Variants in NR5A2 observed in about 807,000 individuals in gnomAD.
NR5A2 encodes nuclear receptor subfamily 5 group A member 2.
Under a neutral mutation model 62.7 loss-of-function variants are expected in NR5A2, and 26 were observed. That is an observed-to-expected ratio of 0.41 (90% CI 0.30 to 0.58). The LOEUF (loss-of-function observed/expected upper bound fraction) is 0.58. NR5A2 is among the 20% of genes least tolerant of loss of function. The pLI is 0.22. For missense variants in NR5A2, 541 were observed against 669.1 expected (o/e 0.81, Z 2.11); for synonymous variants, 246 against 241.7 (o/e 1.02, Z -0.16).
intron 5 of NR5A2, among the ~76,000 whole-genome samples, chr1:200,060,049 C>T (rs1220162366): frequency 6.6e-6 from 1 of 152,152 alleles, no homozygotes; most frequent in Non-Finnish European, 1.5e-5. Flanking sequence ...AGTAGGCTAA[C>T]ATCAGGCAGC....
At chr1:200,041,976 C>G (rs1396460719) in intron 2 of NR5A2, among the ~76,000 whole-genome samples, 2 of 152,108 alleles carry the variant, frequency 1.3e-5, no homozygotes, top group African/African-American at 4.8e-5. Context: ...TCGCCTTGTT[C>G]CTAAAACATG....
chr1:200,127,342 C>CT (rs1374222330), intron 7 of NR5A2, among the ~76,000 whole-genome samples: 1 of 152,076 alleles, frequency 6.6e-6, no homozygotes, highest in Non-Finnish European at 1.5e-5. Flanking sequence ...AGTCAGCCCT[C>CT]TGTAGCTGCA....
chr1:200,175,778 G>A lies in NR5A2; in HGVS notation c.*1568G>A, dbSNP rs1467163722. On this transcript the variant is annotated 3_prime_UTR_variant, in exon 8 of 8. Transcript: ENST00000367362. Reference sequence around the variant, plus strand: ...GTCGTGAGACACTAAAATCAAAAACGGGAATCTCATTTAGACTTTAATTTT... The same window carrying A: ...GTCGTGAGACACTAAAATCAAAAACAGGAATCTCATTTAGACTTTAATTTT... 5 of 152,460 alleles carry A rather than the reference G, an allele frequency of 3.3e-5. No individual in the cohort carries two copies. Among genetic ancestry groups the A allele is most frequent in the African/African-American group, 7.2e-5 (3 of 41,426 alleles). 9.4% of individuals were successfully genotyped at this position (152,460 alleles called of 1,614,324 possible).
intron 7 of NR5A2, among the ~76,000 whole-genome samples, chr1:200,148,848 G>A (rs1000471993): frequency 1.3e-5 from 2 of 148,958 alleles, no homozygotes; most frequent in Non-Finnish European, 3.0e-5. Flanking sequence ...AAGGGTGGAG[G>A]TTTTTTCTTC....
intron 5 of NR5A2, among the ~76,000 whole-genome samples, chr1:200,105,990 G>A (rs1050138427): frequency 1.3e-5 from 2 of 149,438 alleles, no homozygotes; most frequent in Non-Finnish European, 3.0e-5. Flanking sequence ...CCGCAAAAAG[G>A]TTTTGATAGG....
intron 5 of NR5A2, among the ~76,000 whole-genome samples, chr1:200,082,384 T>G (rs1409191735): frequency 6.6e-6 from 1 of 152,224 alleles, no homozygotes; most frequent in African/African-American, 2.4e-5. Flanking sequence ...GCTGCTGTTA[T>G]GAGAAGAACA....
chr1:200,163,946 G>A (rs745617748), intron 7 of NR5A2, among the ~76,000 whole-genome samples: 26 of 152,020 alleles, frequency 1.7e-4, no homozygotes, highest in Non-Finnish European at 2.8e-4. Context: ...GCTGGAGGTG[G>A]GGCCTGGTAG....
intron 5 of NR5A2, among the ~76,000 whole-genome samples, chr1:200,053,677 G>A (rs1558108464): frequency 6.6e-6 from 1 of 151,746 alleles, no homozygotes; most frequent in Admixed American, 6.6e-5. Context: ...AAATCTCTAG[G>A]TTATCAGAAG....
chr1:200,147,420 C>G lies in NR5A2; in HGVS notation c.1378+26465C>G. 4.3e-6 allele frequency: 2 copies of G among 469,018 alleles called. No individual in the cohort carries two copies. Among genetic ancestry groups the G allele is most frequent in the South Asian group, 1.8e-5 (1 of 56,728 alleles). 29.1% of individuals were successfully genotyped at this position (469,018 alleles called of 1,614,324 possible). A position where few individuals can be genotyped will look rare whatever the true frequency, so the allele number is the denominator to read the frequency against. ...TGTATGGGTCTGGGCGAGATGCAGGCAGCTTATCTGTTTATGGGGCTGCCT... is the reference window on the plus strand; with the variant it reads ...TGTATGGGTCTGGGCGAGATGCAGGGAGCTTATCTGTTTATGGGGCTGCCT... On this transcript the variant is annotated intron_variant, in intron 7 of 7. Transcript: ENST00000367362. This position sits in a 1 kb window ranked among gnomAD's most constrained non-coding sequence, Gnocchi z 4.9.
intron 5 of NR5A2, among the ~76,000 whole-genome samples, chr1:200,099,587 T>A (rs2816995): frequency 0.89 from 134,853 of 152,068 alleles, 60,021 homozygotes; most frequent in East Asian, 0.97. Context: ...CACACCTGGA[T>A]TTCTTTTATT....
chr1:200,096,389 G>T (rs1209907204), intron 5 of NR5A2, among the ~76,000 whole-genome samples: 7 of 152,106 alleles, frequency 4.6e-5, no homozygotes. Flanking sequence ...TGCCTGGCCT[G>T]TGCTGCCTTC....
intron 7 of NR5A2, among the ~76,000 whole-genome samples, chr1:200,170,640 G>A (rs1040564293): frequency 6.6e-6 from 1 of 152,164 alleles, no homozygotes; most frequent in South Asian, 2.1e-4. Flanking sequence ...GGTCCAGTCC[G>A]CAGCATCCCA....
chr1:200,089,149 A>G (rs1224240058), intron 5 of NR5A2, among the ~76,000 whole-genome samples: 1 of 152,198 alleles, frequency 6.6e-6, no homozygotes, highest in Non-Finnish European at 1.5e-5. Context: ...TTGCTTGCTG[A>G]AACATAAATG....
At chr1:200,077,837 T>C (rs1373708101) in intron 5 of NR5A2, among the ~76,000 whole-genome samples, 1 of 152,236 alleles carries the variant, frequency 6.6e-6, no homozygotes, top group Non-Finnish European at 1.5e-5. Flanking sequence ...GGATGACCTT[T>C]AGGGCTCTCG....
chr1:200,117,222 G>T (rs1316423454), intron 6 of NR5A2, among the ~76,000 whole-genome samples: 3 of 152,146 alleles, frequency 2.0e-5, no homozygotes, highest in African/African-American at 7.2e-5. Flanking sequence ...CTCCTGAAAT[G>T]AGCACAAACT....
chr1:200,153,650 T>C (rs1301272831), intron 7 of NR5A2, among the ~76,000 whole-genome samples: 1 of 152,146 alleles, frequency 6.6e-6, no homozygotes, highest in Non-Finnish European at 1.5e-5. Flanking sequence ...AGCTGTTTAA[T>C]ACATTTTTTA....
Position 200,077,271 on chromosome 1 carries a change from A to G in NR5A2, c.1110+28453A>G, listed in dbSNP as rs911727772. Among the ~76,000 whole-genome samples the G allele has an allele frequency of 3.3e-5, 5 of 152,278 alleles. No individual in the cohort carries two copies. In the East Asian group the frequency reaches 9.6e-4, roughly 29 times the overall value. ...TACAACAAAATCTGACTTTTAAACA[A>G]CAGCCAAAGGAAAGATTGGTATCAC... On this transcript the variant is annotated intron_variant, in intron 5 of 7. Transcript: ENST00000367362.
At chr1:200,137,772 C>T (rs1286460775) in intron 7 of NR5A2, among the ~76,000 whole-genome samples, 1 of 152,078 alleles carries the variant, frequency 6.6e-6, no homozygotes, top group Non-Finnish European at 1.5e-5. Flanking sequence ...TAGTAATTAG[C>T]AATTTCTTCT....
intron 1 of NR5A2, among the ~76,000 whole-genome samples, chr1:200,038,451 T>C (rs1158757572): frequency 7.2e-5 from 11 of 152,220 alleles, no homozygotes; most frequent in African/African-American, 2.7e-4. Flanking sequence ...CCGCCTCTCA[T>C]TGAGCTGACC....
Sources: gnomAD v4.1 joint callset for allele counts (sites outside exome capture counted in the v4.1 genomes callset) on GRCh38, gnomAD v4.1.1 for gene constraint, Gnocchi (gnomAD v3.1) non-coding constraint, MANE v1.5 for transcripts, NCBI Gene and HGNC (gene_info 2026-07-23, HGNC 2026-07-21) for gene names.